ARID4A: variants seen among roughly 807,000 people sequenced by gnomAD.
ARID4A encodes AT-rich interactive domain-containing protein 4A.
ARID4A carries 39 observed loss-of-function variants against 148.6 expected under a neutral mutation model. The observed-to-expected ratio is 0.26, with a 90% CI of 0.20 to 0.34. The LOEUF is 0.34. ARID4A is among the 10% of genes least tolerant of loss of function. The probability of loss-of-function intolerance (pLI) is 1.00; values close to 1 mark genes in which losing one functional copy is unlikely to be tolerated. For missense variants in ARID4A, 1,265 were observed against 1,449.1 expected (o/e 0.87, Z 2.06); for synonymous variants, 475 against 481.2 (o/e 0.99, Z 0.17).
rs758090140 is a variant in ARID4A at position 58,304,983 on chromosome 14, G to C, written c.157G>C (p.Asp53His). The C allele has an allele frequency of 2.5e-6, 4 of 1,607,140 alleles. No individual in the cohort carries two copies. The African/African-American group carries it at 4.0e-5, about 16-fold the overall frequency. ...GGATAATACCACACAATTGGTACAAGATGACCAAGTAAAGGGTCCTTTAAG... is the reference window on the plus strand; with the variant it reads ...GGATAATACCACACAATTGGTACAACATGACCAAGTAAAGGGTCCTTTAAG... Reference protein sequence around the residue: ...KQDNTTQLVQDDQVKGPLRVG... With the variant: ...KQDNTTQLVQHDQVKGPLRVG... The change falls in exon 4 of 24, where the codon GAT becomes CAT. Residue 53 changes from aspartate (D) to histidine (H), a missense_variant. Coordinates refer to ENST00000355431, the MANE Select transcript of ARID4A (RefSeq NM_002892.4).
intron 5 of ARID4A, among the ~76,000 whole-genome samples, chr14:58,309,648 CA>C (rs1269433593): frequency 6.6e-6 from 1 of 152,062 alleles, no homozygotes; most frequent in Non-Finnish European, 1.5e-5. Context: ...AATATAAAAA[CA>C]TATACTTGAA....
chr14:58,373,339 A>C lies in ARID4A; in HGVS notation c.*1350A>C. ...GTATTTAAAGCAGTTTTGCATATAC[A>C]TTATGTAAAAAGGTGATTTTATAAA... On this transcript the variant is annotated 3_prime_UTR_variant, in exon 24 of 24. Coordinates refer to ENST00000355431, the MANE Select transcript of ARID4A (RefSeq NM_002892.4). 1 of 188,564 alleles carries C rather than the reference A, an allele frequency of 5.3e-6. No homozygotes were observed. The highest frequency in any genetic ancestry group is 1.1e-5 in the Non-Finnish European group (1 of 89,360). 11.7% of individuals were successfully genotyped at this position (188,564 alleles called of 1,614,324 possible). A position where few individuals can be genotyped will look rare whatever the true frequency, so the allele number is the denominator to read the frequency against.
At chr14:58,300,804 C>CG (rs2031093913) in intron 2 of ARID4A, among the ~76,000 whole-genome samples, 1 of 145,940 alleles carries the variant, frequency 6.9e-6, no homozygotes, top group African/African-American at 2.6e-5. Context: ...CTTTAACTTC[C>CG]GGAAAAAAAA....
rs781381484 is a variant in ARID4A at position 58,353,716 on chromosome 14, C to A, written c.1714C>A (p.Pro572Thr). The A allele has an allele frequency of 6.2e-7, 1 of 1,613,994 alleles. No homozygotes were observed. Among genetic ancestry groups the A allele is most frequent in the East Asian group, 2.2e-5 (1 of 44,830 alleles). Reference sequence around the variant, plus strand: ...AGAGGAAGATGAGGAAGACATGGAACCCTGCCTAACAGGAACCAAAGTGAA... The same window carrying A: ...AGAGGAAGATGAGGAAGACATGGAAACCTGCCTAACAGGAACCAAAGTGAA... ...EGEEDEEDMEPCLTGTKVKVK... is the reference protein window; with the variant it reads ...EGEEDEEDMETCLTGTKVKVK... Residue 572 changes from proline (P) to threonine (T), a missense_variant, in exon 17 of 24, where the codon CCC becomes ACC. Pro to Thr is a conservative substitution (Grantham distance 38). This residue lies in a region of ARID4A where 30 missense variants were observed against 65.7 expected (regional missense o/e 0.46). Transcript: ENST00000355431.
At chr14:58,348,542 T>C (rs2140236665) in intron 15 of ARID4A, among the ~76,000 whole-genome samples, 1 of 152,350 alleles carries the variant, frequency 6.6e-6, no homozygotes, top group South Asian at 2.1e-4. Context: ...CTTTGCTCCT[T>C]CTTTCCTTTA....
chr14:58,321,514 T>A (rs1247168714), intron 7 of ARID4A, among the ~76,000 whole-genome samples: 1 of 152,152 alleles, frequency 6.6e-6, no homozygotes, highest in Non-Finnish European at 1.5e-5. Context: ...CATGACAAGG[T>A]ATCCTAGGCT....
At chr14:58,354,533 A>G (rs2034783626) in intron 17 of ARID4A, among the ~76,000 whole-genome samples, 1 of 152,000 alleles carries the variant, frequency 6.6e-6, no homozygotes, top group South Asian at 2.1e-4. Context: ...AAAATTAAAA[A>G]TTAGCCTGGC....
At chr14:58,314,754 T>C (rs1395630587) in intron 5 of ARID4A, among the ~76,000 whole-genome samples, 1 of 152,118 alleles carries the variant, frequency 6.6e-6, no homozygotes, top group Non-Finnish European at 1.5e-5. Flanking sequence ...TTTCTATTTC[T>C]CTTTCAGAAA....
chr14:58,328,066 A>T (rs1419240910), intron 8 of ARID4A, among the ~76,000 whole-genome samples, 171 bp from the exon 9 acceptor site: 1 of 152,240 alleles, frequency 6.6e-6, no homozygotes, highest in African/African-American at 2.4e-5. Flanking sequence ...ATATAAGGGT[A>T]TATTTTTTTG....
rs145398241 is a variant in ARID4A at position 58,365,244 on chromosome 14, A to G, written c.3155A>G (p.Asn1052Ser). 3.1e-4 allele frequency: 497 copies of G among 1,614,084 alleles called. 7 individuals are homozygous for G. The Admixed American group carries it at 7.1e-3, about 23-fold the overall frequency. The part of the protein sequence containing the change: ...ERESANGFET[N>S]VASGTCSIIV... The stretch of plus-strand genomic sequence containing the variant: ...GAATCGGCAAATGGATTTGAAACTA[A>G]TGTTGCCTCTGGTACCTGTAGTATA... Residue 1052 changes from asparagine to serine, a missense_variant, in exon 20 of 24, where the codon AAT becomes AGT. Asn to Ser is a conservative substitution (Grantham distance 46). Around this residue, in one of 9 missense-constraint regions of ARID4A, gnomAD observed 666 missense variants for 730.9 expected, o/e 0.91. Coordinates refer to ENST00000355431, the MANE Select transcript of ARID4A (RefSeq NM_002892.4).
At chr14:58,339,843 GGA>G (rs35021584) in intron 11 of ARID4A, among the ~76,000 whole-genome samples, 127,126 of 142,330 alleles carry the variant, frequency 0.89, 56,697 homozygotes, top group East Asian at 0.95. Context: ...CGTGGCAACA[GGA>G]GAGAGAGAGA....
intron 22 of ARID4A, 40 bp from the exon 23 acceptor site, chr14:58,366,843 T>C (rs1486921348): frequency 5.7e-6 from 8 of 1,414,960 alleles, no homozygotes; most frequent in Admixed American, 2.8e-5. Flanking sequence ...TCTCACAGAA[T>C]TATTTTAAAA....
intron 12 of ARID4A, among the ~76,000 whole-genome samples, chr14:58,345,719 CTTTTTTTTTTTTT>C (rs869137059): frequency 1.3e-5 from 1 of 75,870 alleles, no homozygotes; most frequent in Non-Finnish European, 2.3e-5. Context: ...TATGCCTAAA[CTTTTTTTTTTTTT>C]TTTTTTTTTT....
At chr14:58,352,154 G>A (rs1036576955) in intron 16 of ARID4A, among the ~76,000 whole-genome samples, 19 of 152,094 alleles carry the variant, frequency 1.2e-4, no homozygotes, top group Admixed American at 1.0e-3. Flanking sequence ...CTAGAAATTT[G>A]AGTTGTTAAG....
Position 58,364,147 on chromosome 14 carries a change from T to C in ARID4A, c.2081-23T>C, listed in dbSNP as rs954120160. 8 of 1,199,810 alleles carry C rather than the reference T, an allele frequency of 6.7e-6. No individual in the cohort carries two copies. The African/African-American group carries it at 1.1e-4, about 17-fold the overall frequency. 74.3% of individuals were successfully genotyped at this position (1,199,810 alleles called of 1,614,324 possible). On this transcript the variant is annotated intron_variant, in intron 19 of 23. Coordinates refer to ENST00000355431, the MANE Select transcript of ARID4A (RefSeq NM_002892.4). The stretch of plus-strand genomic sequence containing the variant: ...ATTGGTAATATAAAAACCTGTATAA[T>C]ATAATAATATTTCCTCTTACAGACT...
At position 58,365,039 on chromosome 14, in the gene ARID4A, G is replaced by C; in HGVS notation, c.2950G>C (p.Glu984Gln). Residue 984 changes from glutamate to glutamine, a missense_variant, in exon 20 of 24, where the codon GAG becomes CAG. Transcript: ENST00000355431. Reference sequence around the variant, plus strand: ...TGAGGATGTAGCAGTTGAAAGCTCTGAGTCTAACTCTCTTGTTTCTATTCC... The same window carrying C: ...TGAGGATGTAGCAGTTGAAAGCTCTCAGTCTAACTCTCTTGTTTCTATTCC... ...SIEDVAVESS[E>Q]SNSLVSIPPA... The C allele has an allele frequency of 6.2e-7, 1 of 1,614,124 alleles. No homozygotes were observed. The highest frequency in any genetic ancestry group is 1.3e-5 in the African/African-American group (1 of 75,046).
At chr14:58,360,758 C>G (rs752383618) in intron 18 of ARID4A, 143 bp from the exon 19 acceptor site, 18 of 853,608 alleles carry the variant, frequency 2.1e-5, no homozygotes, top group Non-Finnish European at 3.2e-5. Flanking sequence ...GAAAACTCTT[C>G]TTGATTCTTC....
chr14:58,364,487 A>C lies in ARID4A; in HGVS notation c.2398A>C (p.Lys800Gln). Reference sequence around the variant, plus strand: ...AGGAAAGGGAAGACGAAGCAAGACAAAAGATCTTTCTTTAGAAATTATAAA... The same window carrying C: ...AGGAAAGGGAAGACGAAGCAAGACACAAGATCTTTCTTTAGAAATTATAAA... The part of the protein sequence containing the change: ...PKGKGRRSKT[K>Q]DLSLEIIKIS... The change falls in exon 20 of 24, where the codon AAA becomes CAA. Residue 800 changes from lysine (K) to glutamine (Q), a missense_variant. Physicochemically the swap from Lys to Gln is moderately conservative, Grantham distance 53. Transcript: ENST00000355431. The C allele has an allele frequency of 6.2e-7, 1 of 1,612,804 alleles. No individual in the cohort carries two copies. The highest frequency in any genetic ancestry group is 1.3e-5 in the African/African-American group (1 of 75,010).
chr14:58,355,458 A>G (rs1219393057), intron 17 of ARID4A, among the ~76,000 whole-genome samples: 2 of 152,222 alleles, frequency 1.3e-5, no homozygotes, highest in Non-Finnish European at 2.9e-5. Flanking sequence ...AGAGATTAAC[A>G]ACAATAATAA....
Sources: gnomAD v4.1 joint callset for allele counts (sites outside exome capture counted in the v4.1 genomes callset) on GRCh38, gnomAD v4.1.1 for gene constraint, gnomAD v4.1.1 regional missense constraint, MANE v1.5 for transcripts, NCBI Gene and HGNC (gene_info 2026-07-23, HGNC 2026-07-21) for gene names.